The following NAV3 variants were observed in gnomAD, a reference collection of about 807,000 sequenced individuals.
NAV3 encodes neuron navigator 3.
A neutral mutation model predicts 244.7 loss-of-function variants in NAV3; 87 were observed. The observed-to-expected ratio is 0.36, with a 90% CI of 0.30 to 0.42. The LOEUF is 0.42. NAV3 is among the 20% of genes least tolerant of loss of function. NAV3 has a pLI of 1.00. For missense variants in NAV3, 2,663 were observed against 2,893.3 expected (o/e 0.92, Z 1.83); for synonymous variants, 1,126 against 1,042.2 (o/e 1.08, Z -1.55).
chr12:78,157,784 T>TGA (rs989328844), intron 22 of NAV3, among the ~76,000 whole-genome samples: 1 of 151,074 alleles, frequency 6.6e-6, no homozygotes, highest in African/African-American at 2.4e-5. Context: ...GGTGTGTTTG[T>TGA]GTGAGAGAGA....
At chr12:77,977,379 T>C (rs943820426) in intron 5 of NAV3, among the ~76,000 whole-genome samples, 4 of 152,154 alleles carry the variant, frequency 2.6e-5, no homozygotes, top group African/African-American at 7.2e-5. Context: ...CACTCCACTA[T>C]CTTTAGTTCT....
At chr12:77,615,745 T>G (rs1871122445) in intron 2 of NAV3, among the ~76,000 whole-genome samples, 2 of 152,166 alleles carry the variant, frequency 1.3e-5, no homozygotes, top group African/African-American at 4.8e-5. Context: ...GTTGAGATGT[T>G]TATAGTGTGG....
At chr12:77,873,654 T>TTA (rs1881333403) in intron 1 of NAV3, among the ~76,000 whole-genome samples, 2 of 135,022 alleles carry the variant, frequency 1.5e-5, no homozygotes. Context: ...AATAGTATTT[T>TTA]TATATATATA....
At chr12:77,629,254 T>A (rs1238231454) in intron 2 of NAV3, among the ~76,000 whole-genome samples, 1 of 152,232 alleles carries the variant, frequency 6.6e-6, no homozygotes, top group Non-Finnish European at 1.5e-5. Context: ...AAGTATTCAA[T>A]AAATATTTGC....
intron 1 of NAV3, among the ~76,000 whole-genome samples, chr12:77,864,979 T>C (rs1252676925): frequency 6.6e-6 from 1 of 152,034 alleles, no homozygotes; most frequent in Non-Finnish European, 1.5e-5. Flanking sequence ...CATTTACTCT[T>C]CTCTAGGATT....
chr12:77,718,746 C>A lies in NAV3; in HGVS notation c.72+146480C>A, dbSNP rs578262385. Among the ~76,000 whole-genome samples the A allele has an allele frequency of 7.9e-5, 12 of 152,170 alleles. No individual in the cohort carries two copies. In the South Asian group the frequency reaches 2.3e-3, roughly 29 times the overall value. ...GATCTCGGCTCACTGCAACCTCCGC[C>A]TCCTGGGTTCAAGTGATTCTCCTGC... On this transcript the variant is annotated intron_variant, in intron 2 of 8. Coordinates refer to the NAV3 transcript ENST00000550042.
In NAV3 at chr12:78,006,461, A is replaced by C. The variant is rs758010168; in HGVS notation, c.923A>C (p.Asn308Thr). Residue 308 changes from asparagine to threonine, a missense_variant, in exon 8 of 40, where the codon AAC (asparagine) becomes ACC (threonine). Asn to Thr is a moderately conservative substitution (Grantham distance 65). Coordinates refer to ENST00000397909, the MANE Select transcript of NAV3 (RefSeq NM_001024383.2). ...GPQSSSGVNG[N>T]VQPPSTAGQP... is the part of the protein sequence containing the mutation. ...CAATCGTCTTCAGGTGTAAATGGTA[A>C]CGTGCAGCCTCCCAGTACTGCTGGG... The C allele has an allele frequency of 6.2e-7, 1 of 1,614,064 alleles. No homozygotes were observed. Among genetic ancestry groups the C allele is most frequent in the Non-Finnish European group, 8.5e-7 (1 of 1,179,990 alleles).
chr12:78,179,778 A>G, intron 29 of NAV3, 96 bp downstream of exon 29: 1 of 1,340,306 alleles, frequency 7.5e-7, no homozygotes. Context: ...TTCCACTTGG[A>G]AACCCACCTT....
intron 5 of NAV3, among the ~76,000 whole-genome samples, chr12:77,977,501 C>T (rs955819881): frequency 2.0e-5 from 3 of 151,972 alleles, no homozygotes; most frequent in Non-Finnish European, 4.4e-5. Flanking sequence ...GATATTAAAA[C>T]TACGGTTTGG....
intron 8 of NAV3, among the ~76,000 whole-genome samples, chr12:78,016,250 C>T (rs1051649389): frequency 2.0e-5 from 3 of 151,970 alleles, no homozygotes; most frequent in Non-Finnish European, 4.4e-5. Context: ...TGTATGCATA[C>T]ACACACATAC....
intron 9 of NAV3, among the ~76,000 whole-genome samples, chr12:78,028,233 C>T (rs1878407144): frequency 6.6e-6 from 1 of 152,084 alleles, no homozygotes; most frequent in Non-Finnish European, 1.5e-5. Flanking sequence ...TGTACACATG[C>T]CACTTAATGG....
chr12:78,173,313 AG>A (rs1958082580), intron 24 of NAV3, among the ~76,000 whole-genome samples: 1 of 151,648 alleles, frequency 6.6e-6, no homozygotes, highest in Admixed American at 6.6e-5. Context: ...GATACTTCCA[AG>A]GACTACTTTT....
intron 1 of NAV3, among the ~76,000 whole-genome samples, chr12:77,916,607 G>A (rs1418360545): frequency 2.0e-5 from 3 of 152,006 alleles, no homozygotes; most frequent in African/African-American, 7.2e-5. Context: ...TGTAGTAAAA[G>A]GTATTTTAAC....
Position 78,074,348 on chromosome 12 carries a change from A to C in NAV3, c.2636+15233A>C, listed in dbSNP as rs1256578987. ...TAGAGGAGGGTCACTGAACCTGTGA[A>C]GTTTTGAGGAGAGTTTACAGAAAAG... On this transcript the variant is annotated intron_variant, in intron 12 of 39. Transcript: ENST00000397909. Among the ~76,000 whole-genome samples, 4 of 152,226 alleles carry C rather than the reference A, an allele frequency of 2.6e-5. No individual in the cohort carries two copies. The East Asian group carries it at 7.7e-4, about 29-fold the overall frequency.
rs540596130 is a variant in NAV3, at chr12:78,045,289, G to A, written c.2024-4704G>A. 2.8e-4 allele frequency among the ~76,000 whole-genome samples: 42 copies of A among 151,984 alleles called. 1 individual carries two copies. The highest frequency in any genetic ancestry group is 8.2e-4 in the African/African-American group (34 of 41,508). On this transcript the variant is annotated intron_variant, in intron 9 of 39. Coordinates refer to ENST00000397909, the MANE Select transcript of NAV3 (RefSeq NM_001024383.2). The stretch of plus-strand genomic sequence containing the variant: ...TCCCAGCAATGAACCCAACTTGATC[G>A]TGGTGGATAAGCTTTTTTTTTGTTG...
intron 24 of NAV3, among the ~76,000 whole-genome samples, chr12:78,174,296 C>A (rs1958127883): frequency 1.3e-5 from 2 of 151,598 alleles, no homozygotes; most frequent in South Asian, 2.1e-4. Context: ...GAAACAGATA[C>A]CTTTAACATG....
rs530058322 is a variant in NAV3, at chr12:77,720,366, G to T, written c.72+148100G>T. 1.3e-5 allele frequency among the ~76,000 whole-genome samples: 2 copies of T among 152,112 alleles called. 1 individual carries two copies. The highest frequency in any genetic ancestry group is 4.1e-4 in the South Asian group (2 of 4,824). ...TAGTGATTCTGGGGGCCACTCAAGC[G>T]TTTTTCTGTGGGTGTCTTCTCAGGA... On this transcript the variant is annotated intron_variant, in intron 2 of 8. Transcript: ENST00000550042.
intron 1 of NAV3, among the ~76,000 whole-genome samples, chr12:77,856,698 G>A (rs1217838365): frequency 6.6e-6 from 1 of 152,030 alleles, no homozygotes; most frequent in African/African-American, 2.4e-5. Flanking sequence ...ACATTAAAAT[G>A]TTAACTTGAA....
intron 7 of NAV3, among the ~76,000 whole-genome samples, chr12:78,005,913 T>A (rs1874122015): frequency 6.6e-6 from 1 of 152,160 alleles, no homozygotes; most frequent in Non-Finnish European, 1.5e-5. Context: ...ATATCATAAA[T>A]AACTTTTTTT....
Sources: gnomAD v4.1 joint callset for allele counts (sites outside exome capture counted in the v4.1 genomes callset) on GRCh38, gnomAD v4.1.1 for gene constraint, MANE v1.5 for transcripts, NCBI Gene and HGNC (gene_info 2026-07-23, HGNC 2026-07-21) for gene names.